NAPB: variants seen among roughly 807,000 people sequenced by gnomAD.
NAPB encodes beta-soluble NSF attachment protein.
NAPB carries 26 observed loss-of-function variants against 44.7 expected under a neutral mutation model. The ratio of observed to expected loss-of-function variants is 0.58; its 90% CI spans 0.43 to 0.81. The LOEUF (loss-of-function observed/expected upper bound fraction) is 0.81. NAPB is among the 30% of genes least tolerant of loss of function. NAPB has a pLI of 0.00. For missense variants in NAPB, 315 were observed against 356.4 expected (o/e 0.88, Z 0.94); for synonymous variants, 120 against 116.8 (o/e 1.03, Z -0.18).
chr20:23,398,014 C>T (rs1276089118), intron 2 of NAPB, among the ~76,000 whole-genome samples: 1 of 152,156 alleles, frequency 6.6e-6, no homozygotes, highest in African/African-American at 2.4e-5. Context: ...AGAAGAAATG[C>T]TTGAAGGTAA....
chr20:23,410,175 G>C (rs1169437689), intron 1 of NAPB, among the ~76,000 whole-genome samples: 1 of 152,198 alleles, frequency 6.6e-6, no homozygotes, highest in Non-Finnish European at 1.5e-5. Context: ...TGAAACAAAA[G>C]AGTATCACAG....
chr20:23,414,680 C>T (rs1985882731), intron 1 of NAPB, among the ~76,000 whole-genome samples: 1 of 152,142 alleles, frequency 6.6e-6, no homozygotes, highest in South Asian at 2.1e-4. Flanking sequence ...ACTCTACTTC[C>T]AAGTTTCCTT....
At chr20:23,401,979 A>T in intron 2 of NAPB, among the ~76,000 whole-genome samples, 1 of 152,230 alleles carries the variant, frequency 6.6e-6, no homozygotes, top group East Asian at 1.9e-4. Context: ...ACCTGAACAA[A>T]ATAAAAGAGG....
At position 23,402,959 on chromosome 20, in the gene NAPB, T is replaced by C. The variant is rs1984954805; in HGVS notation, c.178+34A>G. 2.6e-6 allele frequency: 4 copies of C among 1,537,804 alleles called. No homozygotes were observed. In the South Asian group the frequency reaches 3.4e-5, roughly 13 times the overall value. ...TCCCTTCAAAGTGATTTTAAACCAT[T>C]TGCCTAAAAAGCAAACAAAAACTTT... is the stretch of plus-strand genomic sequence containing the variant. On this transcript the variant is annotated intron_variant, in intron 2 of 10. Transcript: ENST00000377026.
chr20:23,417,177 A>C (rs1409728337), intron 1 of NAPB, among the ~76,000 whole-genome samples: 1 of 151,712 alleles, frequency 6.6e-6, no homozygotes, highest in East Asian at 1.9e-4. Context: ...TCCACCTCCA[A>C]GGTTCAAGTG....
intron 7 of NAPB, among the ~76,000 whole-genome samples, chr20:23,386,374 G>A (rs1983522872): frequency 6.6e-6 from 1 of 152,086 alleles, no homozygotes; most frequent in Non-Finnish European, 1.5e-5. Flanking sequence ...CATTTAAAGA[G>A]GAATTCACAC....
intron 1 of NAPB, among the ~76,000 whole-genome samples, chr20:23,411,025 T>C (rs978201656): frequency 6.6e-6 from 1 of 152,024 alleles, no homozygotes; most frequent in Non-Finnish European, 1.5e-5. Flanking sequence ...TAAGGAAAAC[T>C]ATGAAAACAG....
chr20:23,416,930 A>T (rs1986041490), intron 1 of NAPB, among the ~76,000 whole-genome samples: 1 of 152,248 alleles, frequency 6.6e-6, no homozygotes, highest in Non-Finnish European at 1.5e-5. Context: ...AACAAATTAT[A>T]GATTCATAAT....
rs1341583879 is a variant in NAPB, at chr20:23,375,362, CAT to C, written c.*2012_*2013del. 2 of 152,124 alleles carry C rather than the reference CAT, an allele frequency of 1.3e-5. No individual in the cohort carries two copies. Among genetic ancestry groups the C allele is most frequent in the African/African-American group, 4.8e-5 (2 of 41,412 alleles). 9.4% of individuals were successfully genotyped at this position (152,124 alleles called of 1,614,324 possible). A position where few individuals can be genotyped will look rare whatever the true frequency, so the allele number is the denominator to read the frequency against. Reference sequence around the variant, plus strand: ...TAAACATAATTGCCCGAAAATAAATCATGTAGTTTTTACTTTAAGTGGTCAGA... The same window carrying C: ...TAAACATAATTGCCCGAAAATAAATCGTAGTTTTTACTTTAAGTGGTCAGA... On this transcript the variant is annotated 3_prime_UTR_variant, in exon 11 of 11. Coordinates refer to ENST00000377026, the MANE Select transcript of NAPB (RefSeq NM_022080.3).
At chr20:23,401,525 G>A (rs899247294) in intron 2 of NAPB, among the ~76,000 whole-genome samples, 2 of 152,158 alleles carry the variant, frequency 1.3e-5, no homozygotes, top group African/African-American at 2.4e-5. Context: ...TACATGATCA[G>A]TGGCCTCTCT....
At chr20:23,388,095 ACAT>A (rs1983662108) in intron 7 of NAPB, among the ~76,000 whole-genome samples, 1 of 152,190 alleles carries the variant, frequency 6.6e-6, no homozygotes, top group African/African-American at 2.4e-5. Context: ...ATTAGAAATT[ACAT>A]CATCAACTCT....
chr20:23,395,903 A>C (rs1186145922), intron 3 of NAPB, among the ~76,000 whole-genome samples: 1 of 152,244 alleles, frequency 6.6e-6, no homozygotes, highest in Non-Finnish European at 1.5e-5. Context: ...AGAGGCAGCA[A>C]AGTAGAAAGG....
At chr20:23,384,376 A>G (rs1021620145) in intron 7 of NAPB, among the ~76,000 whole-genome samples, 1 of 152,118 alleles carries the variant, frequency 6.6e-6, no homozygotes, top group Admixed American at 6.5e-5. Flanking sequence ...AGCCTGGGCA[A>G]CATGGCAAAA....
At chr20:23,411,129 G>A (rs1444895405) in intron 1 of NAPB, among the ~76,000 whole-genome samples, 1 of 152,122 alleles carries the variant, frequency 6.6e-6, no homozygotes, top group Non-Finnish European at 1.5e-5. Flanking sequence ...TCCCTAAAGA[G>A]GGGAAGAAAA....
At chr20:23,402,010 T>C (rs1984892653) in intron 2 of NAPB, among the ~76,000 whole-genome samples, 1 of 152,230 alleles carries the variant, frequency 6.6e-6, no homozygotes, top group African/African-American at 2.4e-5. Context: ...CAAACTGTTT[T>C]CTCCACCATT....
intron 2 of NAPB, among the ~76,000 whole-genome samples, chr20:23,399,311 G>A (rs6048780): frequency 0.079 from 12,078 of 152,096 alleles, 1,119 homozygotes; most frequent in African/African-American, 0.22. Flanking sequence ...GCCTTTGGGG[G>A]AGTGATAAAG....
At chr20:23,393,612 G>A (rs73901825) in intron 5 of NAPB, among the ~76,000 whole-genome samples, 3,064 of 152,242 alleles carry the variant, frequency 0.02, 82 homozygotes, top group African/African-American at 0.07. Context: ...CCAATCTGGC[G>A]GAGGGAGAGA....
intron 1 of NAPB, among the ~76,000 whole-genome samples, chr20:23,418,210 G>A (rs1028006404): frequency 2.0e-5 from 3 of 152,160 alleles, no homozygotes; most frequent in Non-Finnish European, 4.4e-5. Context: ...CAGTATGTGT[G>A]TTTTATTAAT....
In NAPB at chr20:23,381,195, T is replaced by C. The variant is rs748317293; in HGVS notation, c.666+18A>G. The C allele has an allele frequency of 1.4e-5, 22 of 1,550,612 alleles. No individual in the cohort carries two copies. The highest frequency in any genetic ancestry group is 3.4e-4 in the Middle Eastern group (2 of 5,930). On this transcript the variant is annotated intron_variant, in intron 8 of 10. Coordinates refer to ENST00000377026, the MANE Select transcript of NAPB (RefSeq NM_022080.3). ...CTTATGGGTGAAATCAGTCAATCAA[T>C]GCTGAAGAACTCCTTACCTTGGCAT...
Sources: allele counts gnomAD v4.1 joint callset (sites outside exome capture counted in the v4.1 genomes callset), GRCh38; gene constraint gnomAD v4.1.1; transcripts MANE v1.5; gene names NCBI Gene and HGNC (gene_info 2026-07-23, HGNC 2026-07-21).